ARHGAP6: variants seen among roughly 807,000 people sequenced by gnomAD.
ARHGAP6 encodes the protein rho GTPase-activating protein 6.
In ARHGAP6, 16 loss-of-function variants were observed where a neutral mutation model predicts 55.7. The observed-to-expected ratio is 0.29, with a 90% CI of 0.19 to 0.44. The LOEUF is 0.44. ARHGAP6 is among the 20% of genes least tolerant of loss of function. ARHGAP6 has a pLI of 1.00. For synonymous variants in ARHGAP6, 382 were observed against 360.9 expected (o/e 1.06, Z -0.66); for missense variants, 698 against 808.9 (o/e 0.86, Z 1.66).
chrX:11,358,506 T>G (rs2048966667), intron 1 of ARHGAP6, among the ~76,000 whole-genome samples: 1 of 103,467 alleles, frequency 9.7e-6, no homozygotes, highest in Non-Finnish European at 2.0e-5. Flanking sequence ...TTTGACAGAG[T>G]TTTACTCTTG....
chrX:11,163,291 G>A (rs1034541866), intron 9 of ARHGAP6, among the ~76,000 whole-genome samples: 17 of 112,170 alleles, frequency 1.5e-4, no homozygotes, highest in South Asian at 7.4e-4. Context: ...AAATCTACCC[G>A]ATCAAATTAA....
chrX:11,592,515 G>A (rs1204759510), intron 1 of ARHGAP6, among the ~76,000 whole-genome samples: 1 of 111,319 alleles, frequency 9.0e-6, no homozygotes, highest in African/African-American at 3.3e-5. Context: ...TATTATATAG[G>A]CAGGAGAAGA....
intron 1 of ARHGAP6, among the ~76,000 whole-genome samples, chrX:11,525,830 C>T (rs780468635): frequency 2.7e-5 from 3 of 110,816 alleles, no homozygotes; most frequent in Admixed American, 9.7e-5. Context: ...AATTAATTTA[C>T]GTCAGGCTCT....
intron 1 of ARHGAP6, among the ~76,000 whole-genome samples, chrX:11,395,196 A>G (rs772667747): frequency 3.0e-4 from 34 of 111,951 alleles, no homozygotes; most frequent in African/African-American, 1.1e-3. Context: ...AAATCAACAC[A>G]TAAGAACTGA....
intron 1 of ARHGAP6, among the ~76,000 whole-genome samples, chrX:11,611,285 A>T (rs773731007): frequency 8.9e-6 from 1 of 112,430 alleles, no homozygotes; most frequent in African/African-American, 3.2e-5. Flanking sequence ...AATTACTAAG[A>T]ACCCATAATA....
chrX:11,325,664 G>A (rs1417188671), intron 1 of ARHGAP6, among the ~76,000 whole-genome samples: 1 of 112,096 alleles, frequency 8.9e-6, no homozygotes, highest in African/African-American at 3.2e-5. Flanking sequence ...TTATTGAAGT[G>A]AAAATTATCT....
chrX:11,489,809 C>T (rs1039960884), intron 1 of ARHGAP6, among the ~76,000 whole-genome samples: 1 of 111,692 alleles, frequency 9.0e-6, no homozygotes, highest in Non-Finnish European at 1.9e-5. Flanking sequence ...AAGGAGAGGG[C>T]TAGCAGAGCC....
chrX:11,310,067 G>A lies in ARHGAP6; in HGVS notation c.589-55360C>T, dbSNP rs141371876. 9.8e-3 allele frequency among the ~76,000 whole-genome samples: 1,061 copies of A among 108,285 alleles called. 6 individuals are homozygous for A. The highest frequency in any genetic ancestry group is 0.037 in the South Asian group (89 of 2,375). 94.0% of individuals were successfully genotyped at this position (108,285 alleles called of 115,157 possible). A position where few individuals can be genotyped will look rare whatever the true frequency, so the allele number is the denominator to read the frequency against. ...TCCAGCTACTTGGGAGGCTGAAGTG[G>A]GAGGATCACCTGAGCCCAGGGAGGT... On this transcript the variant is annotated intron_variant, in intron 1 of 12. Transcript: ENST00000337414.
chrX:11,641,336 G>T (rs1156741578), intron 1 of ARHGAP6, among the ~76,000 whole-genome samples: 1 of 111,550 alleles, frequency 9.0e-6, no homozygotes, highest in Admixed American at 9.6e-5. Flanking sequence ...GCAATTTCTG[G>T]TTCCAAAAAG....
chrX:11,353,370 T>C (rs1331140008), intron 1 of ARHGAP6, among the ~76,000 whole-genome samples: 2 of 111,969 alleles, frequency 1.8e-5, no homozygotes, highest in African/African-American at 6.5e-5. Context: ...AGGCAAAGCA[T>C]TTTAAAACAA....
At position 11,664,327 on chromosome X, in the gene ARHGAP6, C is replaced by G. The variant is rs770220558; in HGVS notation, c.502G>C (p.Ala168Pro). Residue 168 changes from alanine to proline, a missense_variant, in exon 1 of 13, where the codon GCT becomes CCT. Physicochemically the swap from Ala to Pro is conservative, Grantham distance 27. Coordinates refer to ENST00000337414, the MANE Select transcript of ARHGAP6 (RefSeq NM_013427.3). ...SSGGGPNGIFASPRRWLQQRK... is the reference protein window; with the variant it reads ...SSGGGPNGIFPSPRRWLQQRK... ...TGCTGGAGCCACCTCCTAGGAGAAG[C>G]GAAGATGCCATTGGGGCCTCCCCCG... 2.9e-5 allele frequency: 35 copies of G among 1,212,095 alleles called. No homozygotes were observed. The highest frequency in any genetic ancestry group is 3.6e-5 in the Non-Finnish European group (32 of 895,597).
At chrX:11,611,644 C>T (rs185378048) in intron 1 of ARHGAP6, among the ~76,000 whole-genome samples, 38 of 111,863 alleles carry the variant, frequency 3.4e-4, no homozygotes, top group African/African-American at 1.1e-3. Flanking sequence ...CCAAAGGAAG[C>T]GCACAATGAA....
At chrX:11,564,758 C>A (rs2051424809) in intron 1 of ARHGAP6, among the ~76,000 whole-genome samples, 1 of 111,689 alleles carries the variant, frequency 9.0e-6, no homozygotes, top group Non-Finnish European at 1.9e-5. Context: ...GCCAAAAGCA[C>A]AGGCTTCTGG....
intron 1 of ARHGAP6, among the ~76,000 whole-genome samples, chrX:11,342,208 G>T (rs1047923196): frequency 1.8e-5 from 2 of 111,787 alleles, no homozygotes; most frequent in African/African-American, 6.5e-5. Context: ...TTAATCCTTA[G>T]ATTTTCTTAG....
At chrX:11,310,160 C>CAAAA (rs141903078) in intron 1 of ARHGAP6, among the ~76,000 whole-genome samples, 18 of 48,069 alleles carry the variant, frequency 3.7e-4, no homozygotes, top group Non-Finnish European at 4.1e-4. Context: ...GACTCTATCT[C>CAAAA]AAAAAAAAAA....
At chrX:11,392,793 T>C (rs1028806083) in intron 1 of ARHGAP6, among the ~76,000 whole-genome samples, 3 of 111,946 alleles carry the variant, frequency 2.7e-5, no homozygotes, top group African/African-American at 9.7e-5. Flanking sequence ...CTTCTTTATT[T>C]TTTCAACACA....
At chrX:11,487,875 T>C (rs1315206240) in intron 1 of ARHGAP6, among the ~76,000 whole-genome samples, 1 of 112,111 alleles carries the variant, frequency 8.9e-6, no homozygotes, top group African/African-American at 3.2e-5. Flanking sequence ...TTATCAAATG[T>C]CAACTAACAC....
chrX:11,502,895 T>A (rs1167257292), intron 1 of ARHGAP6, among the ~76,000 whole-genome samples: 2 of 109,772 alleles, frequency 1.8e-5, no homozygotes. Context: ...ATTTTCTTTT[T>A]TTTCTTTTCT....
chrX:11,653,242 A>G (rs5979449), intron 1 of ARHGAP6, among the ~76,000 whole-genome samples: 15,822 of 112,036 alleles, frequency 0.14, 1,020 homozygotes, highest in Middle Eastern at 0.27. Flanking sequence ...GAATGAAGGC[A>G]GCCCCTTGGC....
Sources: allele counts gnomAD v4.1 joint callset (sites outside exome capture counted in the v4.1 genomes callset), GRCh38; gene constraint gnomAD v4.1.1; transcripts MANE v1.5; gene names NCBI Gene and HGNC (gene_info 2026-07-23, HGNC 2026-07-21).